WWP1: variants seen among roughly 807,000 people sequenced by gnomAD.
The protein encoded by WWP1 is WW domain containing E3 ubiquitin protein ligase 1.
In WWP1, 49 loss-of-function variants were observed where a neutral mutation model predicts 130.6. The observed-to-expected ratio is 0.38, with a 90% CI of 0.30 to 0.48. The LOEUF is 0.48. Ranked by LOEUF, WWP1 falls within the 20% of genes least tolerant of loss-of-function variation. WWP1 has a pLI of 0.99. For synonymous variants in WWP1, 332 were observed against 367.8 expected (o/e 0.90, Z 1.11); for missense variants, 809 against 1,100.6 (o/e 0.74, Z 3.75).
intron 5 of WWP1, among the ~76,000 whole-genome samples, chr8:86,388,069 A>C (rs1452351627): frequency 6.6e-6 from 1 of 152,126 alleles, no homozygotes; most frequent in Non-Finnish European, 1.5e-5. Context: ...TTACATTTAA[A>C]TAGCCATACA....
Position 86,439,069 on chromosome 8 carries a change from C to T in WWP1, c.1838+396C>T, listed in dbSNP as rs560386076. Among the ~76,000 whole-genome samples, 3 of 151,992 alleles carry T rather than the reference C, an allele frequency of 2.0e-5. No individual in the cohort carries two copies. The East Asian group carries it at 5.8e-4, about 29-fold the overall frequency. Reference sequence around the variant, plus strand: ...TTTTTAAAAAGTTTTAAAGGCTGGACGTGGTGGCTTACGCCTGTAATCCCA... The same window carrying T: ...TTTTTAAAAAGTTTTAAAGGCTGGATGTGGTGGCTTACGCCTGTAATCCCA... On this transcript the variant is annotated intron_variant, in intron 17 of 24. Transcript: ENST00000517970.
At position 86,436,946 on chromosome 8, in the gene WWP1, A is replaced by G. The variant is rs1481437846; in HGVS notation, c.1749+1242A>G. Among the ~76,000 whole-genome samples the G allele has an allele frequency of 4.3e-5, 6 of 140,648 alleles. No individual in the cohort carries two copies. In the Admixed American group the frequency reaches 4.9e-4, roughly 12 times the overall value. The allele number at this position is 140,648 out of a possible 152,430, so 92.3% of individuals were successfully genotyped here. A position where few individuals can be genotyped will look rare whatever the true frequency, so the allele number is the denominator to read the frequency against. On this transcript the variant is annotated intron_variant, in intron 16 of 24. Coordinates refer to ENST00000517970, the MANE Select transcript of WWP1 (RefSeq NM_007013.4). ...GGGCATGATACTTAAACTATTATCAAGTTGATTTTTTTTTTTTGAGTTAAT... is the reference window on the plus strand; with the variant it reads ...GGGCATGATACTTAAACTATTATCAGGTTGATTTTTTTTTTTTGAGTTAAT...
At chr8:86,464,266 T>G (rs1811917654) in intron 24 of WWP1, among the ~76,000 whole-genome samples, 1 of 152,150 alleles carries the variant, frequency 6.6e-6, no homozygotes, top group Admixed American at 6.5e-5. Flanking sequence ...GGCTATAGAT[T>G]AAATGTACAA....
chr8:86,463,566 A>C (rs960498740), intron 24 of WWP1, among the ~76,000 whole-genome samples: 8 of 152,038 alleles, frequency 5.3e-5, no homozygotes, highest in East Asian at 1.9e-4. Context: ...TTGGCCTCGC[A>C]AAGTGCTGGG....
intron 5 of WWP1, among the ~76,000 whole-genome samples, chr8:86,391,535 A>G (rs992536173): frequency 6.6e-6 from 1 of 152,108 alleles, no homozygotes; most frequent in Admixed American, 6.6e-5. Flanking sequence ...CTCTATTGTT[A>G]CAGATAAACA....
chr8:86,414,622 G>A (rs1808780191), intron 9 of WWP1, among the ~76,000 whole-genome samples: 1 of 152,092 alleles, frequency 6.6e-6, no homozygotes, highest in Admixed American at 6.6e-5. Flanking sequence ...AACTTACTGA[G>A]TCATTTAGCT....
At chr8:86,447,985 A>T (rs1810975865) in intron 18 of WWP1, among the ~76,000 whole-genome samples, 163 bp from the exon 19 acceptor site, 1 of 152,094 alleles carries the variant, frequency 6.6e-6, no homozygotes, top group Non-Finnish European at 1.5e-5. Context: ...TTTGTTTTTC[A>T]TACCTAGCAT....
At chr8:86,418,818 T>A (rs1372647379) in intron 9 of WWP1, among the ~76,000 whole-genome samples, 1 of 152,066 alleles carries the variant, frequency 6.6e-6, no homozygotes, top group African/African-American at 2.4e-5. Context: ...GTAAAGTAAA[T>A]TTTCAAATAC....
rs1823458872 is a variant in WWP1, at chr8:86,359,735, A to T, written c.-114-9204A>T. Among the ~76,000 whole-genome samples the T allele has an allele frequency of 8.6e-5, 13 of 152,012 alleles. No individual in the cohort carries two copies. The South Asian group carries it at 2.7e-3, about 32-fold the overall frequency. ...GACTACAGCTTCTGCTTGCCTGTAA[A>T]TAATACTCTCTTTCATCATTAAAAA... On this transcript the variant is annotated intron_variant, in intron 1 of 24. Coordinates refer to ENST00000517970, the MANE Select transcript of WWP1 (RefSeq NM_007013.4).
intron 5 of WWP1, among the ~76,000 whole-genome samples, chr8:86,395,317 C>T (rs1357187009): frequency 6.6e-6 from 1 of 152,148 alleles, no homozygotes; most frequent in African/African-American, 2.4e-5. Flanking sequence ...AACGTGAAAG[C>T]AGCCATAGAG....
chr8:86,451,005 A>G (rs560919921), intron 20 of WWP1, among the ~76,000 whole-genome samples: 3 of 151,944 alleles, frequency 2.0e-5, no homozygotes, highest in Admixed American at 2.0e-4. Context: ...TGAGCCCAGG[A>G]GTTCAAGACC....
intron 8 of WWP1, among the ~76,000 whole-genome samples, chr8:86,403,039 C>G (rs1808086307): frequency 6.6e-6 from 1 of 152,122 alleles, no homozygotes; most frequent in African/African-American, 2.4e-5. Context: ...TTAGTGGACT[C>G]ATTTATAAGA....
At chr8:86,413,945 G>A (rs775852669) in intron 9 of WWP1, among the ~76,000 whole-genome samples, 8 of 152,078 alleles carry the variant, frequency 5.3e-5, no homozygotes, top group Non-Finnish European at 1.0e-4. Flanking sequence ...TTATAAATGA[G>A]GGAAGCCGGC....
At chr8:86,460,790 CTTTTTTTTTTTTTTTTTTTTT>C (rs59506795) in intron 22 of WWP1, among the ~76,000 whole-genome samples, 3 of 62,372 alleles carry the variant, frequency 4.8e-5, no homozygotes, top group East Asian at 8.4e-4. Context: ...TTTAGCACAT[CTTTTTTTTTTTTTTTTTTTTT>C]TTTTTTTTTT....
At chr8:86,437,612 A>G (rs1810363203) in intron 16 of WWP1, among the ~76,000 whole-genome samples, 1 of 152,132 alleles carries the variant, frequency 6.6e-6, no homozygotes, top group Non-Finnish European at 1.5e-5. Context: ...AGTATAGTTG[A>G]CCCTTAAACA....
intron 16 of WWP1, 94 bp downstream of exon 16, chr8:86,435,798 C>T: frequency 8.7e-7 from 1 of 1,145,248 alleles, no homozygotes; most frequent in Non-Finnish European, 1.3e-6. Flanking sequence ...TTAAACCACC[C>T]AGAACACAGC....
At chr8:86,364,055 G>A (rs1823823534) in intron 1 of WWP1, among the ~76,000 whole-genome samples, 1 of 152,198 alleles carries the variant, frequency 6.6e-6, no homozygotes, top group Non-Finnish European at 1.5e-5. Context: ...TGGTGTGACT[G>A]AAGCCTTGCT....
chr8:86,442,547 G>T, intron 17 of WWP1, 72 bp from the exon 18 acceptor site: 1 of 1,371,834 alleles, frequency 7.3e-7, no homozygotes, highest in Non-Finnish European at 9.8e-7. Context: ...ATGTATATAT[G>T]AATATATTTA....
At chr8:86,366,278 G>T (rs1823960491) in intron 1 of WWP1, among the ~76,000 whole-genome samples, 1 of 152,212 alleles carries the variant, frequency 6.6e-6, no homozygotes, top group African/African-American at 2.4e-5. Context: ...TACAGGAAGG[G>T]TGAGTTGTTG....
Sources: allele counts gnomAD v4.1 joint callset (sites outside exome capture counted in the v4.1 genomes callset), GRCh38; gene constraint gnomAD v4.1.1; transcripts MANE v1.5; gene names NCBI Gene and HGNC (gene_info 2026-07-23, HGNC 2026-07-21).